Variants in CRHR2 observed in about 807,000 individuals in gnomAD.
The protein encoded by CRHR2 is corticotropin releasing hormone receptor 2.
CRHR2 carries 53 observed loss-of-function variants against 57.9 expected under a neutral mutation model. The observed-to-expected ratio is 0.92, with a 90% CI of 0.73 to 1.15. The LOEUF (loss-of-function observed/expected upper bound fraction) is 1.15, where lower values mean the gene tolerates loss of function less well. Among genes scored for constraint, CRHR2 ranks in the 50% most tolerant of loss-of-function variants. The pLI, the probability that CRHR2 is intolerant of heterozygous loss-of-function variation, is 0.00. For missense variants in CRHR2, 532 were observed against 542.6 expected (o/e 0.98, Z 0.19); for synonymous variants, 213 against 220.9 (o/e 0.96, Z 0.32).
chr7:30,682,551 C>A (rs970619849), upstream of CRHR2: 4 of 1,211,820 alleles, frequency 3.3e-6, no homozygotes, highest in Admixed American at 4.7e-5. Flanking sequence ...CGGGGCCGGG[C>A]GGCTCCTCTC....
rs1357803082 is a variant in CRHR2, at chr7:30,656,222, G to C, written c.832-210C>G. On this transcript the variant is annotated intron_variant, in intron 8 of 11. Transcript: ENST00000471646. The surrounding 1 kb of genome is among the most constrained non-coding windows in gnomAD (Gnocchi z 4.4). ...GAGACAGCCCCATTTTCCAGGGCCTGTGTCTCCAGCCCAGGACTGAGGAGG... is the reference window on the plus strand; with the variant it reads ...GAGACAGCCCCATTTTCCAGGGCCTCTGTCTCCAGCCCAGGACTGAGGAGG... Among the ~76,000 whole-genome samples the C allele has an allele frequency of 6.6e-6, 1 of 152,078 alleles. No individual in the cohort carries two copies. The highest frequency in any genetic ancestry group is 1.5e-5 in the Non-Finnish European group (1 of 68,004).
chr7:30,689,583 G>T (rs993382360), intron 1 of CRHR2, among the ~76,000 whole-genome samples: 2 of 137,336 alleles, frequency 1.5e-5, no homozygotes, highest in Non-Finnish European at 3.1e-5. Flanking sequence ...CTGTCATGGG[G>T]CTTGTGTCCT....
chr7:30,690,198 G>A (rs1002033597), intron 1 of CRHR2, among the ~76,000 whole-genome samples: 1 of 152,186 alleles, frequency 6.6e-6, no homozygotes, highest in South Asian at 2.1e-4. Flanking sequence ...GGCAGGGGTA[G>A]CATCACAGAA....
At chr7:30,670,718 G>A (rs569758907) in intron 2 of CRHR2, among the ~76,000 whole-genome samples, 13 of 152,330 alleles carry the variant, frequency 8.5e-5, no homozygotes, top group African/African-American at 1.2e-4. Flanking sequence ...CGTGGGAAAC[G>A]TAGACGGATG....
intron 2 of CRHR2, among the ~76,000 whole-genome samples, chr7:30,674,859 C>G (rs759566181): frequency 6.6e-6 from 1 of 152,138 alleles, no homozygotes; most frequent in Non-Finnish European, 1.5e-5. Flanking sequence ...CCCCTCCTTC[C>G]AGGCCCCAGG....
Position 30,680,147 on chromosome 7 carries a change from G to A in CRHR2, c.229+1768C>T, listed in dbSNP as rs879076039. Among the ~76,000 whole-genome samples, 6 of 147,656 alleles carry A rather than the reference G, an allele frequency of 4.1e-5. 1 individual carries two copies. Among genetic ancestry groups the A allele is most frequent in the African/African-American group, 7.5e-5 (3 of 39,836 alleles). ...TTTGGGAAGTCTTCCTTGTCACCCC[G>A]CCCCCACACCCCAATCCCATAGACC... On this transcript the variant is annotated intron_variant, in intron 2 of 11. Transcript: ENST00000471646.
At chr7:30,655,834 G>A (rs1017408381) in intron 9 of CRHR2, 93 bp downstream of exon 9, 4 of 1,591,266 alleles carry the variant, frequency 2.5e-6, no homozygotes, top group Admixed American at 1.7e-5. Context: ...CCCTGGGTGA[G>A]GCCTGGGGCA....
intron 2 of CRHR2, among the ~76,000 whole-genome samples, chr7:30,674,207 G>A (rs1342492291): frequency 6.6e-6 from 1 of 152,150 alleles, no homozygotes; most frequent in Non-Finnish European, 1.5e-5. Flanking sequence ...ACCATACTGG[G>A]TCTATGAAAA....
Position 30,665,643 on chromosome 7 carries a change from G to C in CRHR2, c.316-4C>G. 6.4e-7 allele frequency: 1 copy of C among 1,554,300 alleles called. No individual in the cohort carries two copies. Among genetic ancestry groups the C allele is most frequent in the Non-Finnish European group, 8.7e-7 (1 of 1,148,112 alleles). ...AGTGCAGGTCATACTTCCTCTGCTG[G>C]ACAGACAGACATGGGCAGGGCAGAT... On this transcript the variant is annotated splice_region_variant and splice_polypyrimidine_tract_variant and intron_variant, in intron 3 of 11. Coordinates refer to ENST00000471646, the MANE Select transcript of CRHR2 (RefSeq NM_001883.5). This position sits in a 1 kb window ranked among gnomAD's most constrained non-coding sequence, Gnocchi z 4.5.
chr7:30,683,878 C>T (rs1252828266), upstream of CRHR2, among the ~76,000 whole-genome samples: 1 of 152,234 alleles, frequency 6.6e-6, no homozygotes, highest in African/African-American at 2.4e-5. Flanking sequence ...CCACCATGAA[C>T]TAGCACCATG....
intron 6 of CRHR2, among the ~76,000 whole-genome samples, 200 bp downstream of exon 6, chr7:30,662,494 G>T (rs1353335829): frequency 1.3e-5 from 2 of 152,190 alleles, no homozygotes; most frequent in African/African-American, 4.8e-5. Flanking sequence ...GGCAGGGGGA[G>T]AAGAGCTATT....
In CRHR2 at chr7:30,682,077, G is replaced by A. The variant is rs770528145; in HGVS notation, c.104-37C>T. The A allele has an allele frequency of 3.9e-6, 6 of 1,552,810 alleles. No homozygotes were observed. In the Admixed American group the frequency reaches 6.0e-5, roughly 16 times the overall value. On this transcript the variant is annotated intron_variant, in intron 1 of 11. Coordinates refer to ENST00000471646, the MANE Select transcript of CRHR2 (RefSeq NM_001883.5). ...AGAGAGCGCAGTAGGGCTCAGAGGG[G>A]CCCGCAGGGACGCGGGGCTCTCGGA...
intron 2 of CRHR2, among the ~76,000 whole-genome samples, chr7:30,670,165 A>G (rs1227311360): frequency 6.6e-6 from 1 of 152,000 alleles, no homozygotes; most frequent in Non-Finnish European, 1.5e-5. Context: ...CAGCTGTACT[A>G]TTTTCCTTTC....
upstream of CRHR2, among the ~76,000 whole-genome samples, chr7:30,685,446 TCAGGCAC>T (rs1339785508): frequency 6.6e-6 from 1 of 152,174 alleles, no homozygotes; most frequent in Non-Finnish European, 1.5e-5. Flanking sequence ...GGGAGTCTAT[TCAGGCAC>T]AGCTGGAATA....
intron 1 of CRHR2, among the ~76,000 whole-genome samples, chr7:30,697,033 T>G (rs933450184): frequency 3.3e-5 from 5 of 152,160 alleles, no homozygotes; most frequent in African/African-American, 1.2e-4. Context: ...GGGAGTTGAA[T>G]TTTTGGGAAA....
chr7:30,689,331 C>T (rs1168961045), intron 1 of CRHR2: 16 of 1,465,698 alleles, frequency 1.1e-5, no homozygotes, highest in Non-Finnish European at 1.0e-5. Context: ...CCAGGCTAGC[C>T]ATTGACAGTG....
In CRHR2 at chr7:30,656,575, G is replaced by A. The variant is rs539952203; in HGVS notation, c.832-563C>T. 4.5e-4 allele frequency among the ~76,000 whole-genome samples: 69 copies of A among 152,340 alleles called. No individual in the cohort carries two copies. Among genetic ancestry groups the A allele is most frequent in the African/African-American group, 1.5e-3 (61 of 41,580 alleles). On this transcript the variant is annotated intron_variant, in intron 8 of 11. Coordinates refer to ENST00000471646, the MANE Select transcript of CRHR2 (RefSeq NM_001883.5). This position sits in a 1 kb window ranked among gnomAD's most constrained non-coding sequence, Gnocchi z 4.4. ...TGTGCCCAGGAACTCCAGAGCCTTC[G>A]TAGGCACCCTAGACAGGGAAGATGG...
In CRHR2 at chr7:30,665,268, C is replaced by T. The variant is rs1584098492; in HGVS notation, c.426-81G>A. On this transcript the variant is annotated intron_variant, in intron 4 of 11. Coordinates refer to ENST00000471646, the MANE Select transcript of CRHR2 (RefSeq NM_001883.5). The surrounding 1 kb of genome is among the most constrained non-coding windows in gnomAD (Gnocchi z 4.5). ...TTCCCCCTGAGGCCAGGTAGAGACT[C>T]AGCCTGGGATGAGGGCAGGGCTGCA... 3.2e-6 allele frequency: 4 copies of T among 1,263,682 alleles called. No homozygotes were observed. The East Asian group carries it at 7.0e-5, about 22-fold the overall frequency. The allele number at this position is 1,263,682 out of a possible 1,614,324, so 78.3% of individuals were successfully genotyped here. A position where few individuals can be genotyped will look rare whatever the true frequency, so the allele number is the denominator to read the frequency against.
At chr7:30,686,282 C>T, upstream of CRHR2, 1 of 1,358,766 alleles carries the variant, frequency 7.4e-7, no homozygotes, top group Non-Finnish European at 9.5e-7. Flanking sequence ...TCTACCAGCC[C>T]ATGCCTCCCC....
Sources: gnomAD v4.1 joint callset for allele counts (sites outside exome capture counted in the v4.1 genomes callset) on GRCh38, gnomAD v4.1.1 for gene constraint, Gnocchi (gnomAD v3.1) non-coding constraint, MANE v1.5 for transcripts, NCBI Gene and HGNC (gene_info 2026-07-23, HGNC 2026-07-21) for gene names.